Variants in IPO11 observed in about 807,000 individuals in gnomAD.
IPO11 encodes importin-11.
IPO11 carries 66 observed loss-of-function variants against 143.2 expected under a neutral mutation model. The observed-to-expected ratio is 0.46, with a 90% CI of 0.38 to 0.57. The LOEUF (loss-of-function observed/expected upper bound fraction) is 0.57, where lower values mean the gene tolerates loss of function less well. Among genes scored for constraint, IPO11 ranks in the 20% least tolerant of loss-of-function variants. The pLI, the probability that IPO11 is intolerant of heterozygous loss-of-function variation, is 0.00. For synonymous variants in IPO11, 385 were observed against 377.8 expected (o/e 1.02, Z -0.22); for missense variants, 1,026 against 1,141.0 (o/e 0.90, Z 1.45).
chr5:62,510,913 A>T (rs2112273119), intron 19 of IPO11, among the ~76,000 whole-genome samples: 1 of 152,078 alleles, frequency 6.6e-6, no homozygotes, highest in East Asian at 1.9e-4. Flanking sequence ...TTGTATTTTT[A>T]GTAGAGACGG....
intron 5 of IPO11, among the ~76,000 whole-genome samples, chr5:62,452,651 G>C (rs925081155): frequency 7.4e-5 from 10 of 135,440 alleles, no homozygotes; most frequent in African/African-American, 2.4e-4. Flanking sequence ...CCTTTTTTTT[G>C]GTTTTGGGTT....
At chr5:62,443,133 C>T in intron 3 of IPO11, 50 bp downstream of exon 3, 3 of 1,177,352 alleles carry the variant, frequency 2.5e-6, no homozygotes, top group South Asian at 1.3e-5. Context: ...TTCCCAAATT[C>T]AGGAAGGTGT....
At chr5:62,517,683 G>A (rs1580275080) in intron 20 of IPO11, among the ~76,000 whole-genome samples, 1 of 152,284 alleles carries the variant, frequency 6.6e-6, no homozygotes, top group African/African-American at 2.4e-5. Flanking sequence ...GATTACAGGC[G>A]TGAGCCACTG....
Position 62,508,796 on chromosome 5 carries a change from C to T in IPO11, c.1782+2439C>T, listed in dbSNP as rs535372288. ...ACAGGCCCCGGTGTGAGATGTTCCC[C>T]GCCCTGTGTCCATGTGTTCTCATTG... On this transcript the variant is annotated intron_variant, in intron 19 of 29. Coordinates refer to ENST00000325324, the MANE Select transcript of IPO11 (RefSeq NM_016338.5). 3.3e-5 allele frequency among the ~76,000 whole-genome samples: 5 copies of T among 152,262 alleles called. No individual in the cohort carries two copies. In the East Asian group the frequency reaches 5.8e-4, roughly 18 times the overall value.
At chr5:62,523,779 A>G (rs1464980232) in intron 20 of IPO11, among the ~76,000 whole-genome samples, 2 of 152,204 alleles carry the variant, frequency 1.3e-5, no homozygotes, top group East Asian at 3.8e-4. Context: ...TGCTGTAGTT[A>G]GTTGATTGTT....
chr5:62,496,277 CTG>C (rs1300532286), intron 16 of IPO11, among the ~76,000 whole-genome samples: 2 of 148,204 alleles, frequency 1.3e-5, no homozygotes, highest in African/African-American at 2.5e-5. Flanking sequence ...GACAGAGAGA[CTG>C]TGTCTCAAAA....
At chr5:62,517,343 T>C (rs1157390277) in intron 20 of IPO11, among the ~76,000 whole-genome samples, 1 of 152,340 alleles carries the variant, frequency 6.6e-6, no homozygotes, top group East Asian at 1.9e-4. Context: ...CATTTATAAG[T>C]AATAGAACAA....
At chr5:62,538,036 A>C (rs963058699) in intron 24 of IPO11, among the ~76,000 whole-genome samples, 6 of 152,138 alleles carry the variant, frequency 3.9e-5, no homozygotes, top group African/African-American at 1.4e-4. Flanking sequence ...ATAAATATAA[A>C]ATTGATTAAA....
intron 28 of IPO11, among the ~76,000 whole-genome samples, chr5:62,596,029 C>A (rs947525390): frequency 6.7e-6 from 1 of 150,362 alleles, no homozygotes; most frequent in South Asian, 2.1e-4. Context: ...GAGGCCGAGA[C>A]GGTAGAATCG....
intron 1 of IPO11, among the ~76,000 whole-genome samples, chr5:62,420,939 A>G (rs936975014): frequency 2.6e-5 from 4 of 152,182 alleles, no homozygotes; most frequent in Admixed American, 6.5e-5. Flanking sequence ...ACTCAATTTC[A>G]TTAGAGACAG....
In IPO11 at chr5:62,536,703, A is replaced by G; in HGVS notation, c.2091A>G (p.Glu697=). ...RIFQNMSPLL[E]LSSENLRTCF... is the part of the protein sequence containing the mutation. Reference sequence around the variant, plus strand: ...GTTTGACATTTATTGTTTTGGCAGAACTAAGTTCAGAAAATCTTAGAACTT... The same window carrying G: ...GTTTGACATTTATTGTTTTGGCAGAGCTAAGTTCAGAAAATCTTAGAACTT... The change falls in exon 23 of 30, where the codon GAA becomes GAG. Residue 697 remains glutamate (E), a splice_region_variant and synonymous_variant. Transcript: ENST00000325324. 3 of 1,574,702 alleles carry G rather than the reference A, an allele frequency of 1.9e-6. No homozygotes were observed. The highest frequency in any genetic ancestry group is 2.4e-5 in the South Asian group (2 of 83,742).
At chr5:62,606,444 G>T (rs1745717638) in intron 29 of IPO11, among the ~76,000 whole-genome samples, 1 of 127,604 alleles carries the variant, frequency 7.8e-6, no homozygotes, top group Admixed American at 9.5e-5. Context: ...CATGCCACTG[G>T]TACTCCAGCC....
chr5:62,473,247 G>A (rs180847815), intron 7 of IPO11, among the ~76,000 whole-genome samples: 68 of 152,044 alleles, frequency 4.5e-4, no homozygotes, highest in African/African-American at 1.6e-3. Context: ...ATTTCATCAC[G>A]TTTCCAGAAG....
intron 15 of IPO11, 31 bp downstream of exon 15, chr5:62,490,251 C>T (rs758984336): frequency 7.5e-7 from 1 of 1,328,440 alleles, no homozygotes; most frequent in Non-Finnish European, 1.0e-6. Context: ...TTATTATACA[C>T]TTACTTTACC....
chr5:62,426,929 C>CCGT (rs1743763961), intron 1 of IPO11, among the ~76,000 whole-genome samples: 2 of 95,458 alleles, frequency 2.1e-5, no homozygotes, highest in African/African-American at 7.4e-5. Context: ...TTTTTTCTTT[C>CCGT]TGTTTTTTTT....
chr5:62,620,192 T>C (rs1746295234), intron 29 of IPO11, among the ~76,000 whole-genome samples: 1 of 152,064 alleles, frequency 6.6e-6, no homozygotes, highest in Admixed American at 6.5e-5. Flanking sequence ...TTTTATACAT[T>C]TTAGGGAGAC....
chr5:62,440,990 C>T (rs949270692), intron 2 of IPO11, among the ~76,000 whole-genome samples: 2 of 151,908 alleles, frequency 1.3e-5, no homozygotes, highest in Admixed American at 6.6e-5. Context: ...AAATGTTTTT[C>T]TATAGCAAAG....
intron 28 of IPO11, among the ~76,000 whole-genome samples, chr5:62,597,257 A>T (rs78834418): frequency 2.0e-5 from 3 of 152,090 alleles, no homozygotes; most frequent in Non-Finnish European, 2.9e-5. Flanking sequence ...TTACCAGGAT[A>T]AAAAAAAGAA....
chr5:62,539,235 G>A (rs1199461259), intron 24 of IPO11, among the ~76,000 whole-genome samples: 3 of 152,092 alleles, frequency 2.0e-5, no homozygotes, highest in African/African-American at 4.8e-5. Flanking sequence ...GGGTCTAGGG[G>A]GAGAATCTGT....
Sources: allele counts gnomAD v4.1 joint callset (sites outside exome capture counted in the v4.1 genomes callset), GRCh38; gene constraint gnomAD v4.1.1; transcripts MANE v1.5; gene names NCBI Gene and HGNC (gene_info 2026-07-23, HGNC 2026-07-21).